Variants in PLPPR1 observed in about 807,000 individuals in gnomAD.
PLPPR1 encodes the protein phospholipid phosphatase related 1.
A neutral mutation model predicts 33.1 loss-of-function variants in PLPPR1; 10 were observed. The observed-to-expected ratio is 0.30, with a 90% CI of 0.19 to 0.51. The LOEUF (loss-of-function observed/expected upper bound fraction) is 0.51, where lower values mean the gene tolerates loss of function less well. Ranked by LOEUF, PLPPR1 falls within the 20% of genes least tolerant of loss-of-function variation. The probability of loss-of-function intolerance (pLI) is 0.97; values close to 1 mark genes in which losing one functional copy is unlikely to be tolerated. For missense variants in PLPPR1, 304 were observed against 408.1 expected (o/e 0.74, Z 2.20); for synonymous variants, 151 against 151.0 (o/e 1.00, Z 0.00).
At chr9:101,053,324 C>T in intron 1 of PLPPR1, among the ~76,000 whole-genome samples, 1 of 152,174 alleles carries the variant, frequency 6.6e-6, no homozygotes, top group South Asian at 2.1e-4. Flanking sequence ...AAAGGTCTCT[C>T]ATATTGATTT....
At chr9:101,113,015 C>G (rs1213563512) in intron 1 of PLPPR1, among the ~76,000 whole-genome samples, 3 of 152,160 alleles carry the variant, frequency 2.0e-5, no homozygotes, top group Non-Finnish European at 4.4e-5. Flanking sequence ...ATTTTGGGAA[C>G]TGAAAAATCG....
intron 2 of PLPPR1, among the ~76,000 whole-genome samples, chr9:101,185,956 A>G (rs1364011898): frequency 3.9e-5 from 6 of 151,922 alleles, no homozygotes; most frequent in Admixed American, 3.9e-4. Context: ...TTTACAGATG[A>G]TATTAGTTCA....
At chr9:101,228,079 G>A (rs373092445) in intron 2 of PLPPR1, among the ~76,000 whole-genome samples, 4 of 152,102 alleles carry the variant, frequency 2.6e-5, no homozygotes, top group Admixed American at 6.6e-5. Flanking sequence ...GCTTTCAGCC[G>A]GCTTTCCTTT....
intron 1 of PLPPR1, among the ~76,000 whole-genome samples, chr9:101,156,470 G>A (rs1831688439): frequency 1.4e-5 from 2 of 147,892 alleles, no homozygotes; most frequent in Non-Finnish European, 3.0e-5. Context: ...ATAATTGCTT[G>A]AGTCTGGGAG....
chr9:101,172,175 A>G (rs764782268), intron 1 of PLPPR1, among the ~76,000 whole-genome samples: 3 of 152,060 alleles, frequency 2.0e-5, no homozygotes, highest in African/African-American at 4.8e-5. Context: ...GATGCCTTCA[A>G]CTTGACCTGG....
At chr9:101,257,683 G>A (rs1023866780) in intron 2 of PLPPR1, among the ~76,000 whole-genome samples, 2 of 152,030 alleles carry the variant, frequency 1.3e-5, no homozygotes, top group African/African-American at 4.8e-5. Flanking sequence ...GAATATTCTG[G>A]TGATAGAAAA....
intron 2 of PLPPR1, among the ~76,000 whole-genome samples, chr9:101,262,777 G>A (rs1827923966): frequency 6.6e-6 from 1 of 152,144 alleles, no homozygotes; most frequent in African/African-American, 2.4e-5. Context: ...ATGATAGACT[G>A]GATAAAGAAA....
chr9:101,172,481 T>C (rs1825957291), intron 1 of PLPPR1, among the ~76,000 whole-genome samples: 1 of 152,128 alleles, frequency 6.6e-6, no homozygotes, highest in Non-Finnish European at 1.5e-5. Context: ...TCTGGTGAGT[T>C]AGTTAGGAGG....
intron 1 of PLPPR1, among the ~76,000 whole-genome samples, chr9:101,033,844 C>T (rs989679907): frequency 2.0e-5 from 3 of 152,156 alleles, no homozygotes; most frequent in South Asian, 4.1e-4. Context: ...TCTCAAAGCC[C>T]ATTTTCATAA....
At chr9:101,180,851 C>CCAAAAG (rs1402621823) in intron 1 of PLPPR1, among the ~76,000 whole-genome samples, 2 of 151,622 alleles carry the variant, frequency 1.3e-5, no homozygotes, top group Non-Finnish European at 2.9e-5. Context: ...AGATATGACC[C>CCAAAAG]CAAAAGCACA....
At chr9:101,296,526 A>G (rs1828643182) in intron 4 of PLPPR1, among the ~76,000 whole-genome samples, 1 of 152,132 alleles carries the variant, frequency 6.6e-6, no homozygotes, top group African/African-American at 2.4e-5. Flanking sequence ...ACTATTCACA[A>G]TAGCAAAGAC....
At chr9:101,106,183 C>T (rs1367586368) in intron 1 of PLPPR1, among the ~76,000 whole-genome samples, 18 of 149,034 alleles carry the variant, frequency 1.2e-4, no homozygotes, top group Non-Finnish European at 7.4e-5. Context: ...GAATTTGATC[C>T]TGTCATTATG....
intron 2 of PLPPR1, among the ~76,000 whole-genome samples, chr9:101,193,561 A>G (rs895121332): frequency 2.0e-5 from 3 of 152,222 alleles, no homozygotes; most frequent in Admixed American, 6.5e-5. Context: ...ATAAATCTGC[A>G]CATATCTTAA....
intron 2 of PLPPR1, among the ~76,000 whole-genome samples, chr9:101,237,713 T>C (rs895236016): frequency 1.4e-5 from 2 of 143,108 alleles, no homozygotes; most frequent in African/African-American, 5.1e-5. Context: ...AGTCTATATC[T>C]ATATATGTGT....
At chr9:101,195,531 C>G (rs966046713) in intron 2 of PLPPR1, among the ~76,000 whole-genome samples, 42 of 151,902 alleles carry the variant, frequency 2.8e-4, no homozygotes, top group African/African-American at 9.4e-4. Context: ...AAGCAGAGAC[C>G]AGTTTGCCAA....
At chr9:101,214,464 AAAATC>A (rs1431736337) in intron 2 of PLPPR1, among the ~76,000 whole-genome samples, 1 of 152,240 alleles carries the variant, frequency 6.6e-6, no homozygotes, top group Non-Finnish European at 1.5e-5. Flanking sequence ...ACTGTGTAAT[AAAATC>A]AAAACGCCAG....
chr9:101,120,475 G>C (rs1278935267), intron 1 of PLPPR1, among the ~76,000 whole-genome samples: 1 of 152,124 alleles, frequency 6.6e-6, no homozygotes. Flanking sequence ...TTATTGGCTA[G>C]AGCCTCACTT....
At chr9:101,087,505 G>C (rs923392443) in intron 1 of PLPPR1, among the ~76,000 whole-genome samples, 1 of 152,208 alleles carries the variant, frequency 6.6e-6, no homozygotes, top group Non-Finnish European at 1.5e-5. Flanking sequence ...TTTATAAAAT[G>C]TAGGATAAAT....
chr9:101,232,767 T>C lies in PLPPR1; in HGVS notation c.64-37113T>C, dbSNP rs570595011. On this transcript the variant is annotated intron_variant, in intron 2 of 7. Coordinates refer to ENST00000374874, the MANE Select transcript of PLPPR1 (RefSeq NM_207299.2). ...CTACCTTGCCCTAGCTATGAGGTCT[T>C]GGGCAAGTTATTTTTTCTCTGTGAA... Among the ~76,000 whole-genome samples, 11 of 152,114 alleles carry C rather than the reference T, an allele frequency of 7.2e-5. No individual in the cohort carries two copies. In the East Asian group the frequency reaches 2.1e-3, roughly 30 times the overall value.
Sources: allele counts gnomAD v4.1 joint callset (sites outside exome capture counted in the v4.1 genomes callset), GRCh38; gene constraint gnomAD v4.1.1; transcripts MANE v1.5; gene names NCBI Gene and HGNC (gene_info 2026-07-23, HGNC 2026-07-21).